VPS13B: variants seen among roughly 807,000 people sequenced by gnomAD.
VPS13B encodes the protein intermembrane lipid transfer protein VPS13B.
VPS13B carries 285 observed loss-of-function variants against 426.4 expected under a neutral mutation model. That is an observed-to-expected ratio of 0.67 (90% CI 0.61 to 0.74). The LOEUF (loss-of-function observed/expected upper bound fraction) is 0.74, where lower values mean the gene tolerates loss of function less well. Ranked by LOEUF, VPS13B falls within the 30% of genes least tolerant of loss-of-function variation. The pLI is 0.00. For missense variants in VPS13B, 4,537 were observed against 4,782.6 expected (o/e 0.95, Z 1.51); for synonymous variants, 1,676 against 1,676.4 (o/e 1.00, Z 0.01).
intron 19 of VPS13B, among the ~76,000 whole-genome samples, chr8:99,304,895 A>G (rs1306431114): frequency 1.3e-5 from 2 of 152,018 alleles, no homozygotes; most frequent in Non-Finnish European, 2.9e-5. Context: ...TGTTTTCTGT[A>G]TAAAGTTCAG....
intron 33 of VPS13B, among the ~76,000 whole-genome samples, chr8:99,628,591 C>A (rs1197309259): frequency 6.6e-6 from 1 of 152,084 alleles, no homozygotes; most frequent in Non-Finnish European, 1.5e-5. Flanking sequence ...AAGGATATTG[C>A]CATCTAGTAA....
chr8:99,166,137 T>C (rs1349788796), intron 15 of VPS13B, among the ~76,000 whole-genome samples: 2 of 152,008 alleles, frequency 1.3e-5, no homozygotes, highest in African/African-American at 4.8e-5. Context: ...GTGCCACCAC[T>C]CCTGGCTAAT....
At chr8:99,246,064 A>G (rs1237888803) in intron 17 of VPS13B, among the ~76,000 whole-genome samples, 3 of 152,176 alleles carry the variant, frequency 2.0e-5, no homozygotes, top group Admixed American at 6.5e-5. Flanking sequence ...CGCTTTCTCA[A>G]CCAAGCCTTT....
intron 21 of VPS13B, among the ~76,000 whole-genome samples, chr8:99,428,642 T>C (rs1318175129): frequency 6.6e-6 from 1 of 152,172 alleles, no homozygotes; most frequent in African/African-American, 2.4e-5. Flanking sequence ...CAACAGGTGC[T>C]GGAGAGGATG....
At chr8:99,495,283 T>C (rs958123195) in intron 25 of VPS13B, among the ~76,000 whole-genome samples, 1 of 152,250 alleles carries the variant, frequency 6.6e-6, no homozygotes, top group Non-Finnish European at 1.5e-5. Context: ...GTTCATTAAG[T>C]CACTACACAT....
At chr8:99,208,130 G>T (rs77215481) in intron 17 of VPS13B, among the ~76,000 whole-genome samples, 4 of 152,170 alleles carry the variant, frequency 2.6e-5, no homozygotes, top group Admixed American at 2.6e-4. Flanking sequence ...AGTAGCTGGC[G>T]TGTCACATCG....
In VPS13B at chr8:99,116,703, G is replaced by A. The variant is rs377018431; in HGVS notation, c.937+829G>A. 4.3e-4 allele frequency among the ~76,000 whole-genome samples: 65 copies of A among 152,140 alleles called. No homozygotes were observed. The Middle Eastern group carries it at 0.01, about 24-fold the overall frequency. ...CCCGCCTCAGCATCACAAAGTGCTG[G>A]GATTACAGGCATGAGCCACCATGCC... On this transcript the variant is annotated intron_variant, in intron 7 of 61. Coordinates refer to ENST00000357162, the MANE Select transcript of VPS13B (RefSeq NM_152564.5).
chr8:99,501,970 TG>T, intron 26 of VPS13B, 112 bp downstream of exon 26: 4 of 1,234,718 alleles, frequency 3.2e-6, no homozygotes, highest in Non-Finnish European at 4.5e-6. Context: ...TCTGTCTGTC[TG>T]TCTTTCCGTC....
intron 35 of VPS13B, among the ~76,000 whole-genome samples, chr8:99,663,108 T>C (rs553054085): frequency 6.6e-6 from 1 of 152,256 alleles, no homozygotes; most frequent in African/African-American, 2.4e-5. Flanking sequence ...TCTTAAGATC[T>C]CTAGCAATAC....
chr8:99,818,983 G>GGGGGGGGGGGGGGGGT, intron 47 of VPS13B, 95 bp downstream of exon 47: 1 of 384,874 alleles, frequency 2.6e-6, no homozygotes. Flanking sequence ...GGAGGGGTGG[G>GGGGGGGGGGGGGGGGT]TAGGGAGATG....
chr8:99,086,023 A>C (rs1461192849), intron 3 of VPS13B, among the ~76,000 whole-genome samples: 1 of 152,068 alleles, frequency 6.6e-6, no homozygotes, highest in Non-Finnish European at 1.5e-5. Flanking sequence ...TAGATTGGGG[A>C]AGTTCTCCTG....
rs575451382 is a variant in VPS13B at position 99,415,367 on chromosome 8, T to C, written c.3083-16170T>C. 7.2e-5 allele frequency among the ~76,000 whole-genome samples: 11 copies of C among 152,132 alleles called. No individual in the cohort carries two copies. In the East Asian group the frequency reaches 2.2e-3, roughly 30 times the overall value. On this transcript the variant is annotated intron_variant, in intron 21 of 61. Coordinates refer to ENST00000357162, the MANE Select transcript of VPS13B (RefSeq NM_152564.5). ...TTGCATTTGGTTAGAACATGCTCCT[T>C]TAGCTCGGAGGAGTTTGTTATTACC...
intron 2 of VPS13B, among the ~76,000 whole-genome samples, chr8:99,019,528 C>T (rs754489966): frequency 6.6e-5 from 10 of 152,114 alleles, no homozygotes; most frequent in Non-Finnish European, 1.3e-4. Context: ...ATGTACGATT[C>T]TGTGGTATTA....
chr8:99,431,625 T>C lies in VPS13B; in HGVS notation c.3171T>C (p.Ile1057=). ...CTGAAGAAAGAATGAAGGAATTTATTGGAATTGTTTGGAATGCAGTGAAGC... is the reference window on the plus strand; with the variant it reads ...CTGAAGAAAGAATGAAGGAATTTATCGGAATTGTTTGGAATGCAGTGAAGC... The part of the protein sequence containing the change: ...RSPEERMKEF[I]GIVWNAVKHL... Residue 1057 remains isoleucine, a synonymous_variant, in exon 22 of 62, where the codon ATT becomes ATC. Transcript: ENST00000357162. 1.9e-6 allele frequency: 3 copies of C among 1,613,422 alleles called. No homozygotes were observed. The highest frequency in any genetic ancestry group is 2.5e-6 in the Non-Finnish European group (3 of 1,179,710).
rs116960137 is a variant in VPS13B at position 99,830,981 on chromosome 8, G to A, written c.9331-1388G>A. On this transcript the variant is annotated intron_variant, in intron 51 of 61. Coordinates refer to ENST00000357162, the MANE Select transcript of VPS13B (RefSeq NM_152564.5). ...TGAGCCACGTACCTCAGTTGGAAAC[G>A]CAGAAACCATCCACCTTCTGTGTTG... 7.3e-4 allele frequency among the ~76,000 whole-genome samples: 110 copies of A among 151,384 alleles called. 1 individual carries two copies. The East Asian group carries it at 0.018, about 24-fold the overall frequency.
At chr8:99,118,919 G>A (rs1847808034) in intron 7 of VPS13B, among the ~76,000 whole-genome samples, 1 of 152,142 alleles carries the variant, frequency 6.6e-6, no homozygotes, top group Non-Finnish European at 1.5e-5. Flanking sequence ...CTTAAGAGTG[G>A]AATTATATGT....
chr8:99,290,267 A>C (rs1424846028), intron 19 of VPS13B, among the ~76,000 whole-genome samples: 1 of 152,124 alleles, frequency 6.6e-6, no homozygotes, highest in African/African-American at 2.4e-5. Flanking sequence ...AATGTCCATC[A>C]ATGATAGACT....
chr8:99,088,945 T>C (rs924105122), intron 3 of VPS13B, among the ~76,000 whole-genome samples: 5 of 152,218 alleles, frequency 3.3e-5, no homozygotes, highest in African/African-American at 1.2e-4. Flanking sequence ...TCTCTTGTTC[T>C]TTGTGATGTT....
intron 23 of VPS13B, among the ~76,000 whole-genome samples, chr8:99,466,467 A>C (rs1819118620): frequency 6.6e-6 from 1 of 152,142 alleles, no homozygotes; most frequent in African/African-American, 2.4e-5. Flanking sequence ...CACCATAATA[A>C]ATGTTTAAAA....
Sources: gnomAD v4.1 joint callset for allele counts (sites outside exome capture counted in the v4.1 genomes callset) on GRCh38, gnomAD v4.1.1 for gene constraint, MANE v1.5 for transcripts, NCBI Gene and HGNC (gene_info 2026-07-23, HGNC 2026-07-21) for gene names.